GALNT2: variants seen among roughly 807,000 people sequenced by gnomAD.
The protein encoded by GALNT2 is polypeptide N-acetylgalactosaminyltransferase 2, also known as UDP-GalNAc:polypeptide N-acetylgalactosaminyltransferase 2.
In GALNT2, 31 loss-of-function variants were observed where a neutral mutation model predicts 81.4. That is an observed-to-expected ratio of 0.38 (90% CI 0.29 to 0.51). The LOEUF is 0.51. Among genes scored for constraint, GALNT2 ranks in the 20% least tolerant of loss-of-function variants. The pLI, the probability that GALNT2 is intolerant of heterozygous loss-of-function variation, is 0.87. For missense variants in GALNT2, 629 were observed against 765.7 expected, an observed-to-expected ratio of 0.82 and a Z score of 2.11; for synonymous variants, 303 against 287.4, an observed-to-expected ratio of 1.05 and a Z score of -0.55.
intron 1 of GALNT2, among the ~76,000 whole-genome samples, chr1:230,083,524 C>T (rs894829625): frequency 2.6e-5 from 4 of 152,124 alleles, no homozygotes; most frequent in African/African-American, 9.7e-5. Context: ...AATGATGGAA[C>T]AAGAAGCCAG....
At chr1:230,272,184 A>ATGGGTGACG (rs1379878885) in intron 14 of GALNT2, among the ~76,000 whole-genome samples, 6 of 152,192 alleles carry the variant, frequency 3.9e-5, no homozygotes, top group Non-Finnish European at 8.8e-5. Context: ...GTCCTAGAGT[A>ATGGGTGACG]TGGGTGACGT....
intron 1 of GALNT2, among the ~76,000 whole-genome samples, chr1:230,147,246 T>C (rs1040449457): frequency 6.6e-6 from 1 of 152,236 alleles, no homozygotes. Context: ...TCCAAGATGT[T>C]GTCCCTGGAC....
Position 230,157,978 on chromosome 1 carries a change from C to A in GALNT2, c.127-20240C>A, listed in dbSNP as rs1476357120. Among the ~76,000 whole-genome samples, 3 of 152,088 alleles carry A rather than the reference C, an allele frequency of 2.0e-5. No homozygotes were observed. In the East Asian group the frequency reaches 5.8e-4, roughly 29 times the overall value. ...TGAATTTTACTGTATGTAAATTATA[C>A]TTTTAATTTAAAAGCAGAGAAAAAA... On this transcript the variant is annotated intron_variant, in intron 1 of 15. Coordinates refer to ENST00000366672, the MANE Select transcript of GALNT2 (RefSeq NM_004481.5).
At chr1:230,176,130 T>C (rs1199067580) in intron 1 of GALNT2, among the ~76,000 whole-genome samples, 3 of 152,076 alleles carry the variant, frequency 2.0e-5, no homozygotes, top group African/African-American at 7.2e-5. Context: ...ACTAGTTTTA[T>C]AGTAGGCATC....
chr1:230,245,085 G>A (rs1456863012), intron 7 of GALNT2, among the ~76,000 whole-genome samples: 1 of 152,146 alleles, frequency 6.6e-6, no homozygotes, highest in Non-Finnish European at 1.5e-5. Flanking sequence ...GATGTTAAAA[G>A]GCCTTATGTT....
At chr1:230,249,553 AG>A (rs1407479820) in intron 9 of GALNT2, among the ~76,000 whole-genome samples, 1 of 152,232 alleles carries the variant, frequency 6.6e-6, no homozygotes, top group East Asian at 1.9e-4. Flanking sequence ...TCTGTAGCAG[AG>A]CAGGATCTCC....
intron 9 of GALNT2, among the ~76,000 whole-genome samples, chr1:230,249,908 T>G (rs1665490355): frequency 6.6e-6 from 1 of 152,216 alleles, no homozygotes; most frequent in African/African-American, 2.4e-5. Flanking sequence ...ACAGCATCGC[T>G]TCTGGGAACA....
chr1:230,058,985 G>A (rs1419903679), intron 1 of GALNT2, among the ~76,000 whole-genome samples: 1 of 152,164 alleles, frequency 6.6e-6, no homozygotes, highest in African/African-American at 2.4e-5. Context: ...TTTGGTGGGA[G>A]GGGCGTGCGA....
At chr1:230,253,884 T>A (rs1018505035) in intron 10 of GALNT2, among the ~76,000 whole-genome samples, 3 of 152,148 alleles carry the variant, frequency 2.0e-5, no homozygotes, top group African/African-American at 7.2e-5. Flanking sequence ...GAGATCAGTG[T>A]TTTTTAGCTT....
intron 9 of GALNT2, among the ~76,000 whole-genome samples, 195 bp from the exon 10 acceptor site, chr1:230,250,262 G>A (rs74514910): frequency 0.011 from 1,664 of 152,366 alleles, 16 homozygotes; most frequent in Middle Eastern, 0.02. Context: ...CAGTGGGGGA[G>A]GCATTTGAAG....
At chr1:230,104,347 C>T (rs1275695124) in intron 1 of GALNT2, among the ~76,000 whole-genome samples, 1 of 152,174 alleles carries the variant, frequency 6.6e-6, no homozygotes, top group African/African-American at 2.4e-5. Context: ...GCTAGGGAAT[C>T]CCTTTTCCAT....
At chr1:230,060,173 A>G (rs1301904287) in intron 1 of GALNT2, among the ~76,000 whole-genome samples, 1 of 152,230 alleles carries the variant, frequency 6.6e-6, no homozygotes, top group Non-Finnish European at 1.5e-5. Context: ...TTTCTGAAGA[A>G]TACAAACCAC....
intron 1 of GALNT2, among the ~76,000 whole-genome samples, chr1:230,069,158 G>A (rs577281283): frequency 6.6e-6 from 1 of 152,288 alleles, no homozygotes; most frequent in South Asian, 2.1e-4. Context: ...TTCGCCTCCC[G>A]GAGGCTGATT....
chr1:230,191,577 T>A (rs1449334527), intron 2 of GALNT2, among the ~76,000 whole-genome samples: 1 of 152,224 alleles, frequency 6.6e-6, no homozygotes, highest in Non-Finnish European at 1.5e-5. Flanking sequence ...AGTAGTGCAA[T>A]CATAGCTCAC....
At chr1:230,169,716 G>C (rs1448881939) in intron 1 of GALNT2, among the ~76,000 whole-genome samples, 2 of 152,156 alleles carry the variant, frequency 1.3e-5, no homozygotes, top group Non-Finnish European at 2.9e-5. Context: ...GCAGCCCCAC[G>C]TTATTCCCCA....
chr1:230,139,784 T>C (rs1223170000), intron 1 of GALNT2, among the ~76,000 whole-genome samples: 1 of 152,232 alleles, frequency 6.6e-6, no homozygotes, highest in Non-Finnish European at 1.5e-5. Context: ...GGAAATCCAG[T>C]TTCGTTCCCA....
At chr1:230,258,115 A>G (rs1020938060) in intron 11 of GALNT2, among the ~76,000 whole-genome samples, 1 of 152,128 alleles carries the variant, frequency 6.6e-6, no homozygotes, top group Non-Finnish European at 1.5e-5. Flanking sequence ...GGGTTTCACC[A>G]TGTTGGCCAG....
At chr1:230,261,081 CTT>C (rs60478941) in intron 11 of GALNT2, among the ~76,000 whole-genome samples, 2,517 of 130,332 alleles carry the variant, frequency 0.019, 27 homozygotes, top group Middle Eastern at 0.024. Context: ...TAAAGTTTCT[CTT>C]TTTTTTTTTT....
At chr1:230,211,994 C>A (rs1319144886) in intron 3 of GALNT2, among the ~76,000 whole-genome samples, 1 of 152,124 alleles carries the variant, frequency 6.6e-6, no homozygotes, top group Admixed American at 6.5e-5. Flanking sequence ...TCGGTTGGAA[C>A]ATGTTTGGGG....
Sources: allele counts gnomAD v4.1 joint callset (sites outside exome capture counted in the v4.1 genomes callset), GRCh38; gene constraint gnomAD v4.1.1; transcripts MANE v1.5; gene names NCBI Gene and HGNC (gene_info 2026-07-23, HGNC 2026-07-21).